PPM1L: variants seen among roughly 807,000 people sequenced by gnomAD.
PPM1L encodes protein phosphatase, Mg2+/Mn2+ dependent 1L, also known as protein phosphatase 1L.
PPM1L carries 13 observed loss-of-function variants against 31.4 expected under a neutral mutation model. The observed-to-expected ratio is 0.41, with a 90% CI of 0.27 to 0.66. PPM1L has a LOEUF of 0.66. Ranked by LOEUF, PPM1L falls within the 30% of genes least tolerant of loss-of-function variation. The pLI is 0.29. For missense variants in PPM1L, 326 were observed against 453.7 expected, an observed-to-expected ratio of 0.72 and a Z score of 2.56; for synonymous variants, 184 against 175.4, an observed-to-expected ratio of 1.05 and a Z score of -0.39.
At chr3:161,022,707 A>G (rs929363952) in intron 2 of PPM1L, among the ~76,000 whole-genome samples, 10 of 125,212 alleles carry the variant, frequency 8.0e-5, no homozygotes, top group African/African-American at 3.2e-4. Context: ...TCTGTCACCC[A>G]GGCTGGAGTG....
chr3:160,948,901 G>A (rs1715491563), intron 1 of PPM1L, among the ~76,000 whole-genome samples: 1 of 152,070 alleles, frequency 6.6e-6, no homozygotes, highest in Non-Finnish European at 1.5e-5. Flanking sequence ...AAATACACAT[G>A]TCTAGACCTT....
chr3:160,893,470 G>C (rs938451633), intron 1 of PPM1L, among the ~76,000 whole-genome samples: 2 of 152,108 alleles, frequency 1.3e-5, no homozygotes, highest in African/African-American at 4.8e-5. Flanking sequence ...AGTCTCATCT[G>C]TCATTTTCCT....
chr3:161,014,537 C>G (rs536389813), intron 2 of PPM1L, among the ~76,000 whole-genome samples: 6 of 148,194 alleles, frequency 4.0e-5, no homozygotes, highest in African/African-American at 1.3e-4. Flanking sequence ...TGCAGTGGCA[C>G]GATCTCAGCT....
At chr3:160,830,308 A>T (rs370718728) in intron 1 of PPM1L, among the ~76,000 whole-genome samples, 2 of 152,166 alleles carry the variant, frequency 1.3e-5, no homozygotes, top group African/African-American at 2.4e-5. Context: ...GTTGACCCTG[A>T]GCTTTTAACC....
intron 2 of PPM1L, among the ~76,000 whole-genome samples, chr3:161,025,265 T>C (rs1479761887): frequency 6.6e-6 from 1 of 152,112 alleles, no homozygotes; most frequent in Non-Finnish European, 1.5e-5. Flanking sequence ...TATAAGGCCC[T>C]TATAAAAGAT....
At chr3:161,040,409 T>G (rs912725353) in intron 2 of PPM1L, among the ~76,000 whole-genome samples, 3 of 152,188 alleles carry the variant, frequency 2.0e-5, no homozygotes, top group Non-Finnish European at 4.4e-5. Context: ...TGTACTTAAT[T>G]TAAGATCCTT....
Position 160,756,450 on chromosome 3 carries a change from A to T in PPM1L, c.142A>T (p.Ile48Phe). Residue 48 changes from isoleucine (I) to phenylalanine (F), a missense_variant, in exon 1 of 4, where the codon ATC (isoleucine) becomes TTC (phenylalanine). Coordinates refer to ENST00000498165, the MANE Select transcript of PPM1L (RefSeq NM_139245.4). The surrounding 1 kb of genome is among the most constrained non-coding windows in gnomAD (Gnocchi z 6.2). ...CTTCCACACCGACGAGGTGAAGACC[A>T]TCGTGAAGTCCAGCCGGGACGCCGT... ...YFFHTDEVKT[I>F]VKSSRDAVKM... 6.2e-7 allele frequency: 1 copy of T among 1,614,154 alleles called. No homozygotes were observed. The highest frequency in any genetic ancestry group is 8.5e-7 in the Non-Finnish European group (1 of 1,180,018).
intron 1 of PPM1L, among the ~76,000 whole-genome samples, chr3:160,936,640 C>T (rs1177547624): frequency 1.3e-5 from 2 of 152,148 alleles, no homozygotes; most frequent in African/African-American, 4.8e-5. Flanking sequence ...ATGGCAGAAA[C>T]ATTATAATGG....
At chr3:161,068,010 T>G (rs1281721578) in intron 3 of PPM1L, among the ~76,000 whole-genome samples, 1 of 152,242 alleles carries the variant, frequency 6.6e-6, no homozygotes, top group African/African-American at 2.4e-5. Flanking sequence ...GTCTGGATCT[T>G]GTATAACTTC....
At chr3:160,922,117 T>A (rs559213513) in intron 1 of PPM1L, among the ~76,000 whole-genome samples, 1 of 152,126 alleles carries the variant, frequency 6.6e-6, no homozygotes, top group South Asian at 2.1e-4. Context: ...AAGACCATCC[T>A]GGCTAACACG....
intron 2 of PPM1L, among the ~76,000 whole-genome samples, chr3:161,008,980 G>A (rs1717799512): frequency 6.6e-6 from 1 of 152,166 alleles, no homozygotes; most frequent in South Asian, 2.1e-4. Flanking sequence ...GAGAGTAAAT[G>A]TAATTAAGAA....
chr3:160,930,671 G>A (rs916687934), intron 1 of PPM1L, among the ~76,000 whole-genome samples: 1 of 152,170 alleles, frequency 6.6e-6, no homozygotes, highest in Non-Finnish European at 1.5e-5. Context: ...AAAATTTTAG[G>A]CGGAGTGAAG....
intron 1 of PPM1L, among the ~76,000 whole-genome samples, chr3:160,930,591 C>T (rs1714753029): frequency 6.6e-6 from 1 of 152,132 alleles, no homozygotes; most frequent in African/African-American, 2.4e-5. Flanking sequence ...AGATATGGTG[C>T]AAGGAAGGCA....
chr3:160,883,089 C>T (rs1712780608), intron 1 of PPM1L, among the ~76,000 whole-genome samples: 14 of 152,184 alleles, frequency 9.2e-5, no homozygotes, highest in Admixed American at 9.2e-4. Context: ...CACTCATTTG[C>T]TGGCACAAAG....
intron 1 of PPM1L, among the ~76,000 whole-genome samples, chr3:160,887,701 C>T (rs1712966487): frequency 6.6e-6 from 1 of 151,898 alleles, no homozygotes; most frequent in South Asian, 2.1e-4. Context: ...CTGCCTCAGC[C>T]TCCCTAGTAG....
chr3:161,036,676 A>G (rs141289516), intron 2 of PPM1L, among the ~76,000 whole-genome samples: 3 of 152,312 alleles, frequency 2.0e-5, no homozygotes, highest in African/African-American at 7.2e-5. Flanking sequence ...ATGTTTATCT[A>G]GGTTTTTTTC....
At chr3:160,768,608 A>G (rs1235138771) in intron 1 of PPM1L, among the ~76,000 whole-genome samples, 1 of 152,168 alleles carries the variant, frequency 6.6e-6, no homozygotes, top group Non-Finnish European at 1.5e-5. Context: ...CCTGTTTGTA[A>G]AGAGCTAGTC....
At chr3:160,942,756 C>T (rs1459338078) in intron 1 of PPM1L, among the ~76,000 whole-genome samples, 1 of 152,122 alleles carries the variant, frequency 6.6e-6, no homozygotes, top group African/African-American at 2.4e-5. Flanking sequence ...CATAAGAATT[C>T]CTTATGTGCA....
At chr3:160,954,956 CTTCCT>C (rs1553749481) in intron 1 of PPM1L, among the ~76,000 whole-genome samples, 792 of 77,392 alleles carry the variant, frequency 0.01, 28 homozygotes, top group Non-Finnish European at 0.012. Context: ...TCCTTCCTTC[CTTCCT>C]TTCCTTTCCT....
Sources: allele counts gnomAD v4.1 joint callset (sites outside exome capture counted in the v4.1 genomes callset), GRCh38; gene constraint gnomAD v4.1.1; non-coding constraint Gnocchi (gnomAD v3.1); transcripts MANE v1.5; gene names NCBI Gene and HGNC (gene_info 2026-07-23, HGNC 2026-07-21).